Variants in F13A1 observed in about 807,000 individuals in gnomAD.
The protein encoded by F13A1 is FSF, A subunit.
Under a neutral mutation model 80.1 loss-of-function variants are expected in F13A1, and 47 were observed. The ratio of observed to expected loss-of-function variants is 0.59; its 90% confidence interval spans 0.46 to 0.75. The LOEUF (loss-of-function observed/expected upper bound fraction) is 0.75, where lower values mean the gene tolerates loss of function less well. F13A1 is among the 30% of genes least tolerant of loss of function. The pLI is 0.00. For synonymous variants in F13A1, 349 were observed against 344.9 expected, an observed-to-expected ratio of 1.01 and a Z score of -0.13; for missense variants, 817 against 930.4, an observed-to-expected ratio of 0.88 and a Z score of 1.59.
Position 6,182,223 on chromosome 6 carries a change from C to T in F13A1, c.1306-82G>A, listed in dbSNP as rs184655535. The T allele has an allele frequency of 1.7e-3, 2,448 of 1,472,398 alleles. 2 individuals carry two copies. The highest frequency in any genetic ancestry group is 3.1e-3 in the Middle Eastern group (18 of 5,808). The allele number at this position is 1,472,398 out of a possible 1,614,324, so 91.2% of individuals were successfully genotyped here. A position where few individuals can be genotyped will look rare whatever the true frequency, so the allele number is the denominator to read the frequency against. The stretch of plus-strand genomic sequence containing the variant: ...CTTTAACTGTCCATAGAGCAGTCGT[C>T]TAGAGATCTCTGGAGCTGACATGCC... On this transcript the variant is annotated intron_variant, in intron 10 of 14. Transcript: ENST00000264870.
intron 13 of F13A1, among the ~76,000 whole-genome samples, chr6:6,153,486 T>C (rs1395802455): frequency 6.6e-6 from 1 of 152,242 alleles, no homozygotes; most frequent in East Asian, 1.9e-4. Context: ...ACTAAATTTA[T>C]GGCTATGGGA....
At chr6:6,203,681 A>G (rs1176649164) in intron 8 of F13A1, among the ~76,000 whole-genome samples, 1 of 152,252 alleles carries the variant, frequency 6.6e-6, no homozygotes, top group Admixed American at 6.5e-5. Context: ...CCAGTCAACC[A>G]GTGACCAAAC....
chr6:6,163,373 A>G (rs1294331402), intron 13 of F13A1, among the ~76,000 whole-genome samples: 1 of 152,186 alleles, frequency 6.6e-6, no homozygotes, highest in Non-Finnish European at 1.5e-5. Flanking sequence ...GTACATGTGC[A>G]GGTTTGTTAT....
intron 6 of F13A1, among the ~76,000 whole-genome samples, chr6:6,235,835 G>C (rs1467631515): frequency 2.6e-5 from 4 of 152,004 alleles, no homozygotes; most frequent in Non-Finnish European, 5.9e-5. Context: ...TTTTACTAAA[G>C]TCTTCCAAGC....
intron 13 of F13A1, among the ~76,000 whole-genome samples, chr6:6,164,337 G>A (rs1017534057): frequency 1.3e-5 from 2 of 152,148 alleles, no homozygotes; most frequent in Non-Finnish European, 2.9e-5. Flanking sequence ...GTCTACTGGA[G>A]TGGGGAGGAT....
At chr6:6,177,148 C>G (rs1219396686) in intron 11 of F13A1, among the ~76,000 whole-genome samples, 1 of 152,216 alleles carries the variant, frequency 6.6e-6, no homozygotes, top group African/African-American at 2.4e-5. Context: ...ATATCCAAAG[C>G]CAGATTATAT....
At chr6:6,269,354 C>A (rs914294232) in intron 3 of F13A1, among the ~76,000 whole-genome samples, 1 of 152,106 alleles carries the variant, frequency 6.6e-6, no homozygotes, top group East Asian at 1.9e-4. Flanking sequence ...CTTCTCTGCT[C>A]CATCTGTGGG....
intron 3 of F13A1, among the ~76,000 whole-genome samples, chr6:6,281,731 C>T (rs1379154365): frequency 6.6e-6 from 1 of 151,810 alleles, no homozygotes; most frequent in African/African-American, 2.4e-5. Context: ...TGGTGGCTCA[C>T]GCCTGTAATC....
chr6:6,315,793 GAGCCAAAGTCATCATCCGCAGATTGGT>G (rs1758671765), intron 2 of F13A1, among the ~76,000 whole-genome samples: 1 of 151,934 alleles, frequency 6.6e-6, no homozygotes, highest in South Asian at 2.1e-4. Flanking sequence ...GGTGTTCCTG[GAGCCAAAGTCATCATCCGCAGATTGGT>G]AACCGCGGAT....
intron 6 of F13A1, among the ~76,000 whole-genome samples, chr6:6,232,134 C>G (rs181643752): frequency 6.6e-5 from 10 of 152,288 alleles, no homozygotes; most frequent in African/African-American, 1.4e-4. Flanking sequence ...GGCCTAAATG[C>G]TATATTTAAA....
At chr6:6,236,194 G>A (rs1757411574) in intron 6 of F13A1, among the ~76,000 whole-genome samples, 1 of 152,030 alleles carries the variant, frequency 6.6e-6, no homozygotes, top group Middle Eastern at 3.2e-3. Flanking sequence ...AAACTTCTGG[G>A]GGCAATGGAT....
intron 3 of F13A1, among the ~76,000 whole-genome samples, chr6:6,288,744 C>G (rs1387763984): frequency 2.6e-5 from 4 of 152,218 alleles, no homozygotes; most frequent in African/African-American, 9.6e-5. Context: ...CTTTCCAAAA[C>G]AGCTGCCTTA....
rs775762201 is a variant in F13A1 at position 6,266,562 on chromosome 6, A to G, written c.567T>C (p.Cys189=). Residue 189 remains cysteine (C), a synonymous_variant, in exon 4 of 15, where the codon TGT becomes TGC. Coordinates refer to ENST00000264870, the MANE Select transcript of F13A1 (RefSeq NM_000129.4). ...TDTYILFNPW[C]EDDAVYLDNE... is the part of the protein sequence containing the mutation. ...AACTAAATGTCTGCCTCTTACCTTC[A>G]CACCAAGGATTGAAGAGAATGTACG... 6 of 1,614,236 alleles carry G rather than the reference A, an allele frequency of 3.7e-6. 1 individual carries two copies. The South Asian group carries it at 6.6e-5, about 18-fold the overall frequency.
chr6:6,177,531 G>C (rs1035237757), intron 11 of F13A1, among the ~76,000 whole-genome samples: 1 of 152,210 alleles, frequency 6.6e-6, no homozygotes, highest in Non-Finnish European at 1.5e-5. Flanking sequence ...GTTTGGAGAA[G>C]CATTTTGCTT....
chr6:6,163,395 C>T (rs759108938), intron 13 of F13A1, among the ~76,000 whole-genome samples: 3 of 152,110 alleles, frequency 2.0e-5, no homozygotes, highest in Admixed American at 6.5e-5. Context: ...TAGGTAAACT[C>T]ATGTCATGAG....
chr6:6,245,225 C>T (rs1380486017), intron 6 of F13A1, among the ~76,000 whole-genome samples: 1 of 152,114 alleles, frequency 6.6e-6, no homozygotes, highest in Non-Finnish European at 1.5e-5. Flanking sequence ...ATATTTTTAT[C>T]TGGGGATTGT....
rs547412663 is a variant in F13A1, at chr6:6,155,402, T to A, written c.1909-3453A>T. ...CTCTGTAATTAGATGCTGGCATGGG[T>A]GTATCAATTCTGCCCAGATTTCCCT... On this transcript the variant is annotated intron_variant, in intron 13 of 14. Coordinates refer to ENST00000264870, the MANE Select transcript of F13A1 (RefSeq NM_000129.4). Among the ~76,000 whole-genome samples, 4 of 152,128 alleles carry A rather than the reference T, an allele frequency of 2.6e-5. No homozygotes were observed. In the South Asian group the frequency reaches 8.3e-4, roughly 32 times the overall value.
At chr6:6,208,430 T>C (rs998917611) in intron 8 of F13A1, among the ~76,000 whole-genome samples, 11 of 152,118 alleles carry the variant, frequency 7.2e-5, no homozygotes, top group African/African-American at 2.7e-4. Flanking sequence ...ATATTAACAT[T>C]TTCCTAATGG....
At chr6:6,256,516 C>A (rs568362242) in intron 4 of F13A1, among the ~76,000 whole-genome samples, 3 of 152,098 alleles carry the variant, frequency 2.0e-5, no homozygotes, top group South Asian at 2.1e-4. Context: ...AAATAACCAC[C>A]CTTGCAGGCT....
Sources: gnomAD v4.1 joint callset for allele counts (sites outside exome capture counted in the v4.1 genomes callset) on GRCh38, gnomAD v4.1.1 for gene constraint, MANE v1.5 for transcripts, NCBI Gene and HGNC (gene_info 2026-07-23, HGNC 2026-07-21) for gene names.